Variants in GUCY2F observed in about 807,000 individuals in gnomAD.
GUCY2F encodes guanylate cyclase 2F, retinal, also known as retinal guanylyl cyclase 2.
In GUCY2F, 61 loss-of-function variants were observed where a neutral mutation model predicts 73.1. The ratio of observed to expected loss-of-function variants is 0.83; its 90% CI spans 0.68 to 1.03. GUCY2F has a LOEUF of 1.03. Ranked by LOEUF, GUCY2F falls within the 50% of genes least tolerant of loss-of-function variation. GUCY2F has a pLI of 0.00. For missense variants in GUCY2F, 912 were observed against 854.3 expected (o/e 1.07, Z -0.84); for synonymous variants, 331 against 307.8 (o/e 1.08, Z -0.79).
intron 3 of GUCY2F, among the ~76,000 whole-genome samples, chrX:109,463,749 C>T (rs2147281303): frequency 9.0e-6 from 1 of 111,612 alleles, no homozygotes; most frequent in African/African-American, 3.3e-5. Context: ...TTTCCTCACT[C>T]TTAAAAAGAG....
intron 19 of GUCY2F, among the ~76,000 whole-genome samples, chrX:109,374,526 A>G (rs973130783): frequency 2.7e-5 from 3 of 112,086 alleles, no homozygotes; most frequent in Non-Finnish European, 5.6e-5. Flanking sequence ...ACTCCAACAC[A>G]TTCTTAGGAA....
chrX:109,395,171 C>G, intron 12 of GUCY2F, among the ~76,000 whole-genome samples, 170 bp downstream of exon 12: 1 of 111,643 alleles, frequency 9.0e-6, no homozygotes, highest in Non-Finnish European at 1.9e-5. Context: ...TGATGACACT[C>G]CAGCACCAAG....
chrX:109,416,800 C>A (rs1490782434), intron 8 of GUCY2F, among the ~76,000 whole-genome samples: 2 of 109,918 alleles, frequency 1.8e-5, no homozygotes, highest in African/African-American at 6.6e-5. Context: ...ACAAAGAAAG[C>A]AATACCTAGA....
At position 109,395,397 on chromosome X, in the gene GUCY2F, G is replaced by A. The variant is rs754885812; in HGVS notation, c.2368C>T (p.Gln790Ter). The A allele has an allele frequency of 8.3e-7, 1 of 1,201,689 alleles. No homozygotes were observed. Among genetic ancestry groups the A allele is most frequent in the African/African-American group, 1.7e-5 (1 of 57,628 alleles). ...TGTTCTGCAGCCTCAGCCCAGCACT[G>A]CTTCATCAGCTGGAGACATTCTGGA... Reference protein sequence around the residue: ...APPECLQLMKQCWAEAAEQRP... With the variant: ...APPECLQLMK The change falls in exon 12 of 20, where the codon CAG (glutamine) becomes TAG (stop). Residue 790 changes from glutamine to a stop codon, truncating the protein, a stop_gained. Coordinates refer to ENST00000218006, the MANE Select transcript of GUCY2F (RefSeq NM_001522.3). LOFTEE classifies it high-confidence loss of function.
At chrX:109,455,891 T>A (rs1229977846) in intron 3 of GUCY2F, among the ~76,000 whole-genome samples, 2 of 112,328 alleles carry the variant, frequency 1.8e-5, no homozygotes, top group East Asian at 5.6e-4. Flanking sequence ...GTTGAACTCA[T>A]GATATTCACC....
chrX:109,401,638 G>A (rs188399387), intron 10 of GUCY2F, among the ~76,000 whole-genome samples: 84 of 111,645 alleles, frequency 7.5e-4, no homozygotes, highest in Middle Eastern at 4.6e-3. Context: ...TGTAGTTTGG[G>A]TGGGGGGAGA....
chrX:109,431,915 A>AG (rs1931624947), intron 7 of GUCY2F, among the ~76,000 whole-genome samples: 1 of 108,078 alleles, frequency 9.3e-6, no homozygotes, highest in Non-Finnish European at 1.9e-5. Context: ...GGAAAAAAAA[A>AG]AAAAAAAGAA....
At chrX:109,403,998 C>A (rs142002385) in intron 10 of GUCY2F, among the ~76,000 whole-genome samples, 4 of 112,329 alleles carry the variant, frequency 3.6e-5, no homozygotes, top group South Asian at 3.7e-4. Context: ...AAATTACTCT[C>A]CATTCAACTT....
Position 109,391,924 on chromosome X carries a change from T to C in GUCY2F, c.2768A>G (p.His923Arg), listed in dbSNP as rs1930570939. Reference sequence around the variant, plus strand: ...TAATTAACCTACCTTGTAGACATCATGACTGCCAATTATTGCATCAAAGAG... The same window carrying C: ...TAATTAACCTACCTTGTAGACATCACGACTGCCAATTATTGCATCAAAGAG... ...YTLFDAIIGS[H>R]DVYKVETIGD... is the part of the protein sequence containing the mutation. The change falls in exon 14 of 20, where the codon CAT becomes CGT. Residue 923 changes from histidine to arginine, a missense_variant. Physicochemically the swap from His to Arg is conservative, Grantham distance 29 (BLOSUM62 0). Transcript: ENST00000218006. The C allele has an allele frequency of 8.4e-7, 1 of 1,194,908 alleles. No homozygotes were observed. The highest frequency in any genetic ancestry group is 1.1e-6 in the Non-Finnish European group (1 of 885,439).
intron 7 of GUCY2F, among the ~76,000 whole-genome samples, chrX:109,431,412 A>C (rs768890092): frequency 5.0e-4 from 56 of 111,627 alleles, no homozygotes; most frequent in Admixed American, 1.9e-4. Flanking sequence ...ATAAGAGTGT[A>C]ACCGGGCCGG....
intron 8 of GUCY2F, among the ~76,000 whole-genome samples, chrX:109,417,007 C>G (rs1248026644): frequency 1.9e-5 from 2 of 107,416 alleles, no homozygotes; most frequent in Non-Finnish European, 3.9e-5. Context: ...ACTCATAATT[C>G]TGTACCAAGC....
chrX:109,459,022 C>T lies in GUCY2F; in HGVS notation c.1033-5163G>A, dbSNP rs150382580. Among the ~76,000 whole-genome samples, 800 of 111,221 alleles carry T rather than the reference C, an allele frequency of 7.2e-3. 6 individuals carry two copies. Among genetic ancestry groups the T allele is most frequent in the African/African-American group, 0.024 (742 of 30,618 alleles). On this transcript the variant is annotated intron_variant, in intron 3 of 19. Coordinates refer to ENST00000218006, the MANE Select transcript of GUCY2F (RefSeq NM_001522.3). ...CTCACCAGTAAAATAATATCACATG[C>T]ACCCTTTTGTGACTTATTTTTTCCT...
chrX:109,476,724 AGAT>A (rs1158596767), intron 1 of GUCY2F, among the ~76,000 whole-genome samples: 929 of 26,511 alleles, frequency 0.035, 17 homozygotes, highest in African/African-American at 0.079. Context: ...CCAGAGGTAA[AGAT>A]AGATAGATAG....
At chrX:109,465,494 C>A in intron 2 of GUCY2F, 51 bp from the exon 3 acceptor site, 1 of 931,452 alleles carries the variant, frequency 1.1e-6, no homozygotes. Flanking sequence ...TAGTAAAGCA[C>A]AGTACCAAAA....
chrX:109,426,502 T>C (rs996261758), intron 8 of GUCY2F, among the ~76,000 whole-genome samples: 1 of 112,235 alleles, frequency 8.9e-6, no homozygotes, highest in African/African-American at 3.2e-5. Flanking sequence ...CATTCTCCTG[T>C]CTCAGCCTCC....
chrX:109,388,409 A>G, intron 15 of GUCY2F, 80 bp downstream of exon 15: 1 of 764,799 alleles, frequency 1.3e-6, no homozygotes, highest in Non-Finnish European at 2.0e-6. Flanking sequence ...GAATCAGGGG[A>G]GAGCTATCTT....
intron 3 of GUCY2F, among the ~76,000 whole-genome samples, chrX:109,462,874 G>C (rs1385248354): frequency 9.0e-6 from 1 of 111,636 alleles, no homozygotes; most frequent in Non-Finnish European, 1.9e-5. Flanking sequence ...CAAACAACTG[G>C]TTTGACCGAC....
chrX:109,382,354 C>T, intron 16 of GUCY2F, 142 bp from the exon 17 acceptor site: 1 of 446,533 alleles, frequency 2.2e-6, no homozygotes, highest in Non-Finnish European at 4.0e-6. Context: ...TAGGGTTTCA[C>T]AAGAGGAGGA....
intron 15 of GUCY2F, 79 bp downstream of exon 15, chrX:109,388,410 G>C: frequency 1.3e-6 from 1 of 776,830 alleles, no homozygotes. Flanking sequence ...AATCAGGGGA[G>C]AGCTATCTTT....
Sources: gnomAD v4.1 joint callset for allele counts (sites outside exome capture counted in the v4.1 genomes callset) on GRCh38, gnomAD v4.1.1 for gene constraint, MANE v1.5 for transcripts, NCBI Gene and HGNC (gene_info 2026-07-23, HGNC 2026-07-21) for gene names.